ISCU: variants seen among roughly 807,000 people sequenced by gnomAD.
ISCU encodes iron-sulfur cluster assembly enzyme, also known as iron-sulfur cluster assembly enzyme ISCU.
A neutral mutation model predicts 18.4 loss-of-function variants in ISCU; 13 were observed. The observed-to-expected ratio is 0.71, with a 90% CI of 0.46 to 1.12. The LOEUF is 1.12. Among genes scored for constraint, ISCU ranks in the 50% most tolerant of loss-of-function variants. The pLI is 0.00. For missense variants in ISCU, 229 were observed against 208.7 expected (o/e 1.10, Z -0.60); for synonymous variants, 104 against 87.5 (o/e 1.19, Z -1.06).
In ISCU at chr12:108,562,617, G is replaced by A. The variant is rs1223827053; in HGVS notation, c.-6G>A. ...CTCTGGACTGGCGCAGGCGCAAGCC[G>A]GCAAGATGGCGGCGGCTGGGGCTTT... On this transcript the variant is annotated 5_prime_UTR_variant, in exon 1 of 5. Coordinates refer to ENST00000311893, the MANE Select transcript of ISCU (RefSeq NM_213595.4). 1 of 1,454,740 alleles carries A rather than the reference G, an allele frequency of 6.9e-7. No homozygotes were observed. Among genetic ancestry groups the A allele is most frequent in the Middle Eastern group, 2.2e-4 (1 of 4,554 alleles). 90.1% of individuals were successfully genotyped at this position (1,454,740 alleles called of 1,614,324 possible).
At chr12:108,567,420 GC>G in intron 4 of ISCU, 152 bp downstream of exon 4, 1 of 761,412 alleles carries the variant, frequency 1.3e-6, no homozygotes, top group Non-Finnish European at 2.3e-6. Context: ...GAGGGTTAGA[GC>G]CCCCATGGTC....
intron 1 of ISCU, chr12:108,563,581 CCTT>C (rs2030737010): frequency 4.9e-6 from 1 of 203,932 alleles, no homozygotes. Context: ...GTTATTAAGG[CCTT>C]CTGTGTGCCA....
chr12:108,563,008 T>C (rs1428858978), intron 1 of ISCU: 2 of 294,518 alleles, frequency 6.8e-6, no homozygotes, highest in East Asian at 1.1e-4. Flanking sequence ...GGCAGGGTCC[T>C]GTTGGGACTT....
chr12:108,566,883 C>T (rs1421510406), intron 3 of ISCU, among the ~76,000 whole-genome samples: 1 of 152,188 alleles, frequency 6.6e-6, no homozygotes, highest in Non-Finnish European at 1.5e-5. Context: ...GGAAGAGATT[C>T]CTGTTACAGG....
At chr12:108,566,596 C>T (rs1311657022) in intron 3 of ISCU, among the ~76,000 whole-genome samples, 1 of 152,208 alleles carries the variant, frequency 6.6e-6, no homozygotes, top group South Asian at 2.1e-4. Flanking sequence ...CAAGGATCTG[C>T]CTGCCTCACA....
Position 108,567,279 on chromosome 12 carries a change from G to T in ISCU, c.418+11G>T, listed in dbSNP as rs771823440. 6.2e-7 allele frequency: 1 copy of T among 1,604,864 alleles called. No homozygotes were observed. Among genetic ancestry groups the T allele is most frequent in the South Asian group, 1.1e-5 (1 of 90,882 alleles). On this transcript the variant is annotated intron_variant, in intron 4 of 4. Transcript: ENST00000311893. ...AACTGCACTGCTCCAGTAAGTCTCT[G>T]CTCTCCATACCAGTCAGCTGGGACA...
At chr12:108,566,715 G>A (rs1303508400) in intron 3 of ISCU, among the ~76,000 whole-genome samples, 1 of 152,242 alleles carries the variant, frequency 6.6e-6, no homozygotes, top group Non-Finnish European at 1.5e-5. Context: ...GCCTGACTCG[G>A]CTGTGCCACT....
At chr12:108,562,924 G>T (rs906693376) in intron 1 of ISCU, 188 bp downstream of exon 1, 4 of 399,914 alleles carry the variant, frequency 1.0e-5, no homozygotes, top group Non-Finnish European at 1.3e-5. Flanking sequence ...CTCATCGGGC[G>T]GCGACTTCCA....
At chr12:108,563,891 T>A in intron 1 of ISCU, 1 of 636,046 alleles carries the variant, frequency 1.6e-6, no homozygotes, top group Non-Finnish European at 2.8e-6. Context: ...GCCATGGTTA[T>A]TTTTAGAATT....
At chr12:108,562,014 G>A (rs1055711300), upstream of ISCU, among the ~76,000 whole-genome samples, 3 of 152,110 alleles carry the variant, frequency 2.0e-5, no homozygotes, top group Non-Finnish European at 4.4e-5. Flanking sequence ...GTCTAGTAGA[G>A]CGCCTTGACA....
chr12:108,567,992 G>T, intron 4 of ISCU: 4 of 1,530,606 alleles, frequency 2.6e-6, no homozygotes, highest in Non-Finnish European at 3.5e-6. Context: ...TTAAAAATCA[G>T]CAGAGAGTCA....
chr12:108,567,812 C>G, intron 4 of ISCU: 21 of 1,524,044 alleles, frequency 1.4e-5, no homozygotes, highest in Non-Finnish European at 1.8e-5. Context: ...GTCCCCCTCC[C>G]TGCTATCCTA....
chr12:108,566,318 G>GGTGACCT, intron 3 of ISCU, among the ~76,000 whole-genome samples: 1 of 152,366 alleles, frequency 6.6e-6, no homozygotes, highest in Admixed American at 6.5e-5. Context: ...TGATTTGTCA[G>GGTGACCT]GAACTGTCCT....
At position 108,569,152 on chromosome 12, in the gene ISCU, A is replaced by T; in HGVS notation, c.*236A>T. 1.9e-6 allele frequency: 1 copy of T among 538,672 alleles called. No homozygotes were observed. 33.4% of individuals were successfully genotyped at this position (538,672 alleles called of 1,614,324 possible). A position where few individuals can be genotyped will look rare whatever the true frequency, so the allele number is the denominator to read the frequency against. On this transcript the variant is annotated 3_prime_UTR_variant, in exon 5 of 5. Coordinates refer to ENST00000311893, the MANE Select transcript of ISCU (RefSeq NM_213595.4). ...CTTAACCTAGTTAATGTATATTTTGAATTGTGTGTATGACCTCAGAACTGA... is the reference window on the plus strand; with the variant it reads ...CTTAACCTAGTTAATGTATATTTTGTATTGTGTGTATGACCTCAGAACTGA...
At chr12:108,568,176 T>G (rs1279693069) in intron 4 of ISCU, 1 of 1,296,274 alleles carries the variant, frequency 7.7e-7, no homozygotes, top group Non-Finnish European at 9.8e-7. Context: ...TTTCAGGAAA[T>G]CCCCAGCCCT....
At chr12:108,566,105 A>T (rs983097129) in intron 3 of ISCU, among the ~76,000 whole-genome samples, 7 of 152,222 alleles carry the variant, frequency 4.6e-5, no homozygotes, top group African/African-American at 1.7e-4. Flanking sequence ...CCAGCAAGGC[A>T]CTCATCTTTG....
At position 108,562,742 on chromosome 12, in the gene ISCU, G is replaced by GAGAC; in HGVS notation, c.114+7_114+8insGACA. The GAGAC allele has an allele frequency of 7.7e-7, 1 of 1,295,018 alleles. No homozygotes were observed. Among genetic ancestry groups the GAGAC allele is most frequent in the Non-Finnish European group, 9.7e-7 (1 of 1,035,714 alleles). The allele number at this position is 1,295,018 out of a possible 1,614,324, so 80.2% of individuals were successfully genotyped here. A position where few individuals can be genotyped will look rare whatever the true frequency, so the allele number is the denominator to read the frequency against. ...CCCGACTCTATCACAAGAAGGTAGG[G>GAGAC]ACAAAAGAGGGACGCGCGGAATGCC... On this transcript the variant is annotated splice_region_variant and intron_variant, in intron 1 of 4. Transcript: ENST00000311893.
chr12:108,567,657 G>A (rs2030962684), intron 4 of ISCU: 1 of 1,535,752 alleles, frequency 6.5e-7, no homozygotes, highest in East Asian at 2.4e-5. Context: ...TTTGATTTCA[G>A]AATCTGTGCT....
intron 4 of ISCU, chr12:108,567,549 C>A: frequency 2.2e-6 from 2 of 898,484 alleles, no homozygotes; most frequent in South Asian, 2.8e-5. Flanking sequence ...CAGTAGATGT[C>A]ATTACTTCCC....
Sources: gnomAD v4.1 joint callset for allele counts (sites outside exome capture counted in the v4.1 genomes callset) on GRCh38, gnomAD v4.1.1 for gene constraint, MANE v1.5 for transcripts, NCBI Gene and HGNC (gene_info 2026-07-23, HGNC 2026-07-21) for gene names.